The following CD38 variants were observed in gnomAD, a reference collection of about 807,000 sequenced individuals.
CD38 encodes the protein ADP-ribosyl cyclase/cyclic ADP-ribose hydrolase 1.
A neutral mutation model predicts 36.3 loss-of-function variants in CD38; 31 were observed. That is an observed-to-expected ratio of 0.85 (90% confidence interval 0.64 to 1.15). The LOEUF (loss-of-function observed/expected upper bound fraction) is 1.15, where lower values mean the gene tolerates loss of function less well. Ranked by LOEUF, CD38 falls within the 50% of genes most tolerant of loss-of-function variation. The pLI, the probability that CD38 is intolerant of heterozygous loss-of-function variation, is 0.00. For synonymous variants in CD38, 131 were observed against 135.2 expected (o/e 0.97, Z 0.22); for missense variants, 380 against 371.9 (o/e 1.02, Z -0.18).
At chr4:15,825,255 C>T in intron 3 of CD38, 1 of 427,110 alleles carries the variant, frequency 2.3e-6, no homozygotes. Context: ...AAGTAGGGTA[C>T]CAGCATCCAC....
At chr4:15,848,384 C>A (rs1366479821) in intron 7 of CD38, among the ~76,000 whole-genome samples, 155 bp from the exon 8 acceptor site, 8 of 152,134 alleles carry the variant, frequency 5.3e-5, no homozygotes, top group African/African-American at 1.9e-4. Flanking sequence ...GGATAGCTCC[C>A]CTCCCGACAT....
intron 1 of CD38, among the ~76,000 whole-genome samples, chr4:15,791,112 C>G (rs1384982033): frequency 7.9e-6 from 1 of 126,296 alleles, no homozygotes; most frequent in African/African-American, 3.6e-5. Flanking sequence ...TCTGCCCGGC[C>G]GCCCCTACTG....
rs78882967 is a variant in CD38, at chr4:15,832,607, T to A, written c.500-1610T>A. Among the ~76,000 whole-genome samples the A allele has an allele frequency of 5.9e-3, 894 of 152,262 alleles. 12 individuals carry two copies. Among genetic ancestry groups the A allele is most frequent in the African/African-American group, 0.02 (839 of 41,558 alleles). ...AGTCCCTTTACTTTCTCCCAGAGTC[T>A]CTCTCTTTCTGTTCTGACCCACATA... On this transcript the variant is annotated intron_variant, in intron 3 of 7. Coordinates refer to ENST00000226279, the MANE Select transcript of CD38 (RefSeq NM_001775.4).
At chr4:15,784,793 C>T (rs1222027151) in intron 1 of CD38, among the ~76,000 whole-genome samples, 1 of 152,096 alleles carries the variant, frequency 6.6e-6, no homozygotes, top group Non-Finnish European at 1.5e-5. Flanking sequence ...CACGGTGGCT[C>T]ACACCTGTAA....
chr4:15,826,459 G>GCACGCA (rs1222637407), intron 3 of CD38, among the ~76,000 whole-genome samples: 7,601 of 146,412 alleles, frequency 0.052, 228 homozygotes, highest in African/African-American at 0.061. Context: ...ACTTTTGTGC[G>GCACGCA]CACACACACA....
chr4:15,786,103 CT>C (rs1413954000), intron 1 of CD38, among the ~76,000 whole-genome samples: 2 of 152,116 alleles, frequency 1.3e-5, no homozygotes, highest in African/African-American at 4.8e-5. Flanking sequence ...AGTGTTACAG[CT>C]CATAAAAGCA....
At chr4:15,808,093 T>G (rs979551668) in intron 1 of CD38, among the ~76,000 whole-genome samples, 13 of 152,180 alleles carry the variant, frequency 8.5e-5, no homozygotes, top group African/African-American at 3.1e-4. Context: ...TTATTACCTG[T>G]CTCCCTGACA....
intron 2 of CD38, 158 bp downstream of exon 2, chr4:15,816,798 G>A (rs1455265489): frequency 2.7e-6 from 2 of 737,052 alleles, no homozygotes; most frequent in Non-Finnish European, 4.8e-6. Flanking sequence ...CCATTGAGGG[G>A]CCATGATATA....
At chr4:15,837,292 G>C (rs1044987777) in intron 4 of CD38, among the ~76,000 whole-genome samples, 135 of 152,300 alleles carry the variant, frequency 8.9e-4, no homozygotes, top group African/African-American at 3.0e-3. Context: ...TATGTGGATG[G>C]ACTTCTTTTT....
At chr4:15,841,603 G>A (rs920689473) in intron 7 of CD38, among the ~76,000 whole-genome samples, 3 of 151,604 alleles carry the variant, frequency 2.0e-5, no homozygotes, top group African/African-American at 7.3e-5. Flanking sequence ...CTCCCAGCGT[G>A]AGCGACGCAG....
At position 15,778,724 on chromosome 4, in the gene CD38, C is replaced by A. The variant is rs77381100; in HGVS notation, c.233+77C>A. The stretch of plus-strand genomic sequence containing the variant: ...CCGCGCGCAGGGAAGCCGCCCGGAT[C>A]GCCCGGAACCGGGCATCTTCCGTGG... On this transcript the variant is annotated intron_variant, in intron 1 of 7. Transcript: ENST00000226279. This position sits in a 1 kb window ranked among gnomAD's most constrained non-coding sequence, Gnocchi z 4.9. The A allele has an allele frequency of 3.2e-4, 335 of 1,040,020 alleles. 3 individuals carry two copies. The African/African-American group carries it at 4.8e-3, about 15-fold the overall frequency. The allele number at this position is 1,040,020 out of a possible 1,614,324, so 64.4% of individuals were successfully genotyped here.
intron 1 of CD38, among the ~76,000 whole-genome samples, chr4:15,785,553 C>T (rs1722797205): frequency 8.1e-6 from 1 of 123,458 alleles, no homozygotes; most frequent in African/African-American, 3.7e-5. Context: ...TTTTTTTTAT[C>T]ACAATAAACA....
chr4:15,786,528 C>T (rs958733749), intron 1 of CD38, among the ~76,000 whole-genome samples: 4 of 152,152 alleles, frequency 2.6e-5, no homozygotes, highest in Admixed American at 6.5e-5. Context: ...ATTTACAAAC[C>T]TTGAGCTAGA....
At chr4:15,826,518 A>T (rs1723854366) in intron 3 of CD38, among the ~76,000 whole-genome samples, 1 of 151,786 alleles carries the variant, frequency 6.6e-6, no homozygotes, top group East Asian at 1.9e-4. Flanking sequence ...TGAACGATAA[A>T]TTTTTATAAA....
At chr4:15,817,408 GT>G (rs1467861724) in intron 2 of CD38, among the ~76,000 whole-genome samples, 1 of 152,214 alleles carries the variant, frequency 6.6e-6, no homozygotes. Flanking sequence ...TCCATTGTTA[GT>G]GAGCTGGAGT....
chr4:15,839,654 G>A (rs577428748), intron 5 of CD38, among the ~76,000 whole-genome samples: 1 of 151,682 alleles, frequency 6.6e-6, no homozygotes, highest in Non-Finnish European at 1.5e-5. Context: ...CGATCCCCTG[G>A]CATCATGATC....
At chr4:15,848,429 G>A in intron 7 of CD38, 110 bp from the exon 8 acceptor site, 1 of 686,362 alleles carries the variant, frequency 1.5e-6, no homozygotes, top group East Asian at 2.7e-5. Context: ...TGGATGCTAA[G>A]TGGTCTGTGC....
rs140571117 is a variant in CD38 at position 15,824,964 on chromosome 4, G to T, written c.447G>T (p.Leu149=). 209 of 1,613,898 alleles carry T rather than the reference G, an allele frequency of 1.3e-4. No individual in the cohort carries two copies. In the African/African-American group the frequency reaches 2.3e-3, roughly 18 times the overall value. ...ACATGTTCACCCTGGAGGACACGCTGCTAGGCTACCTTGCTGATGACCTCA... is the reference window on the plus strand; with the variant it reads ...ACATGTTCACCCTGGAGGACACGCTTCTAGGCTACCTTGCTGATGACCTCA... ...QRDMFTLEDT[L]LGYLADDLTW... The change falls in exon 3 of 8, where the codon CTG becomes CTT. Residue 149 remains leucine, a synonymous_variant. Coordinates refer to ENST00000226279, the MANE Select transcript of CD38 (RefSeq NM_001775.4).
intron 1 of CD38, among the ~76,000 whole-genome samples, chr4:15,808,092 G>A (rs1452318732): frequency 1.3e-5 from 2 of 152,156 alleles, no homozygotes; most frequent in Non-Finnish European, 2.9e-5. Context: ...TTTATTACCT[G>A]TCTCCCTGAC....
Sources: gnomAD v4.1 joint callset for allele counts (sites outside exome capture counted in the v4.1 genomes callset) on GRCh38, gnomAD v4.1.1 for gene constraint, Gnocchi (gnomAD v3.1) non-coding constraint, MANE v1.5 for transcripts, NCBI Gene and HGNC (gene_info 2026-07-23, HGNC 2026-07-21) for gene names.